Variants in CHSY1 observed in about 807,000 individuals in gnomAD.
The protein encoded by CHSY1 is N-acetylgalactosaminyl-proteoglycan 3-beta-glucuronosyltransferase 1.
Under a neutral mutation model 59.8 loss-of-function variants are expected in CHSY1, and 13 were observed. The observed-to-expected ratio is 0.22, with a 90% CI of 0.14 to 0.35. CHSY1 has a LOEUF of 0.35. Among genes scored for constraint, CHSY1 ranks in the 10% least tolerant of loss-of-function variants. CHSY1 has a pLI of 1.00. For synonymous variants in CHSY1, 459 were observed against 401.2 expected (o/e 1.14, Z -1.72); for missense variants, 947 against 1,030.6 (o/e 0.92, Z 1.11).
chr15:101,205,812 G>A (rs994951100), intron 2 of CHSY1, among the ~76,000 whole-genome samples: 16 of 152,098 alleles, frequency 1.1e-4, no homozygotes, highest in African/African-American at 2.7e-4. Context: ...TTAGCTGGGC[G>A]TGGTGGTGGG....
intron 2 of CHSY1, among the ~76,000 whole-genome samples, chr15:101,201,116 C>G (rs770119928): frequency 3.7e-3 from 28 of 7,604 alleles, no homozygotes; most frequent in Non-Finnish European, 7.4e-3. Context: ...GGGGGCGGTG[C>G]GGGGGGAGGT....
intron 2 of CHSY1, among the ~76,000 whole-genome samples, chr15:101,229,976 T>C (rs2038877308): frequency 6.6e-6 from 1 of 151,232 alleles, no homozygotes; most frequent in African/African-American, 2.4e-5. Context: ...GGAGTTTTGC[T>C]CTTTGCCCAG....
chr15:101,222,836 G>A (rs2141267671), intron 2 of CHSY1, among the ~76,000 whole-genome samples: 1 of 152,234 alleles, frequency 6.6e-6, no homozygotes, highest in East Asian at 1.9e-4. Context: ...ATGTCAAGGT[G>A]GTGTCCACCA....
At chr15:101,239,425 G>A (rs1455806810) in intron 1 of CHSY1, among the ~76,000 whole-genome samples, 4 of 152,248 alleles carry the variant, frequency 2.6e-5, no homozygotes, top group Non-Finnish European at 5.9e-5. Flanking sequence ...CACCGCAAGA[G>A]CTGGCTCTGG....
chr15:101,194,775 G>A (rs1306924417), intron 2 of CHSY1, among the ~76,000 whole-genome samples: 3 of 152,080 alleles, frequency 2.0e-5, no homozygotes, highest in Non-Finnish European at 4.4e-5. Context: ...CTGACTTTTT[G>A]TATGCATGGG....
At position 101,251,520 on chromosome 15, in the gene CHSY1, C is replaced by A; in HGVS notation, c.-64G>T. ...TCCGCGCGCCCTCAGCCCGCTGCCC[C>A]CGCCCGCGGAGGCCAGCCCGCCCTA... On this transcript the variant is annotated 5_prime_UTR_variant, in exon 1 of 3. Coordinates refer to ENST00000254190, the MANE Select transcript of CHSY1 (RefSeq NM_014918.5). The A allele has an allele frequency of 3.8e-6, 1 of 263,276 alleles. No homozygotes were observed. Among genetic ancestry groups the A allele is most frequent in the South Asian group, 1.6e-4 (1 of 6,232 alleles). The allele number at this position is 263,276 out of a possible 1,614,324, so 16.3% of individuals were successfully genotyped here.
intron 2 of CHSY1, among the ~76,000 whole-genome samples, chr15:101,181,802 C>T (rs771685302): frequency 6.6e-6 from 1 of 152,096 alleles, no homozygotes; most frequent in African/African-American, 2.4e-5. Flanking sequence ...TTAGGAGTGC[C>T]GACTCCTCAT....
Position 101,251,213 on chromosome 15 carries a change from G to C in CHSY1, c.244C>G (p.Arg82Gly), listed in dbSNP as rs2039107056. 2.5e-6 allele frequency: 4 copies of C among 1,594,446 alleles called. No homozygotes were observed. The highest frequency in any genetic ancestry group is 2.3e-5 in the East Asian group (1 of 44,282). The change falls in exon 1 of 3, where the codon CGC (arginine) becomes GGC (glycine). Residue 82 changes from arginine to glycine, a missense_variant. By Grantham distance (125) the Arg-to-Gly change is moderately radical. Transcript: ENST00000254190. ...CCCACGAAGAGAAAGTTCCTGTCGC[G>C]CGGGCCGCCATCTGGGTCCGAGCCG... ...PPGSDPDGGP[R>G]DRNFLFVGVM...
At chr15:101,245,464 G>A (rs150070323) in intron 1 of CHSY1, among the ~76,000 whole-genome samples, 161 of 152,224 alleles carry the variant, frequency 1.1e-3, no homozygotes, top group Admixed American at 9.0e-3. Flanking sequence ...ATTAGTTCAC[G>A]CACCCTGACA....
intron 2 of CHSY1, among the ~76,000 whole-genome samples, chr15:101,211,435 AAAG>A (rs1486389282): frequency 3.9e-5 from 6 of 152,332 alleles, no homozygotes; most frequent in African/African-American, 1.4e-4. Flanking sequence ...TTAGAGTGAA[AAAG>A]AATACTGAAA....
intron 1 of CHSY1, among the ~76,000 whole-genome samples, chr15:101,244,509 C>T (rs1247683928): frequency 6.6e-6 from 1 of 152,238 alleles, no homozygotes; most frequent in Non-Finnish European, 1.5e-5. Flanking sequence ...TTAGAGCTGA[C>T]ATCTTTTTGT....
At chr15:101,230,265 C>T (rs2038880934) in intron 2 of CHSY1, among the ~76,000 whole-genome samples, 2 of 152,148 alleles carry the variant, frequency 1.3e-5, no homozygotes, top group South Asian at 2.1e-4. Context: ...GAACATGCAG[C>T]ATTAGTGCTC....
chr15:101,179,698 C>T (rs1178191526), intron 2 of CHSY1, among the ~76,000 whole-genome samples: 3 of 152,222 alleles, frequency 2.0e-5, no homozygotes, highest in Non-Finnish European at 4.4e-5. Context: ...GGCACCAGCA[C>T]GGAGCTTGGT....
intron 2 of CHSY1, among the ~76,000 whole-genome samples, chr15:101,194,529 T>G (rs757514187): frequency 6.6e-6 from 1 of 152,266 alleles, no homozygotes; most frequent in Non-Finnish European, 1.5e-5. Context: ...TTTGCCCTTA[T>G]GTTCCTTGTT....
intron 1 of CHSY1, among the ~76,000 whole-genome samples, chr15:101,239,392 C>G (rs1326703718): frequency 6.6e-6 from 1 of 152,218 alleles, no homozygotes; most frequent in Non-Finnish European, 1.5e-5. Flanking sequence ...GAACAACCAA[C>G]TAAGGAGGCG....
At chr15:101,213,517 T>C (rs2038702811) in intron 2 of CHSY1, among the ~76,000 whole-genome samples, 1 of 152,246 alleles carries the variant, frequency 6.6e-6, no homozygotes, top group South Asian at 2.1e-4. Flanking sequence ...GTAAACAGAC[T>C]GAATATTCTA....
At chr15:101,247,465 T>C (rs933073685) in intron 1 of CHSY1, among the ~76,000 whole-genome samples, 14 of 152,106 alleles carry the variant, frequency 9.2e-5, no homozygotes, top group Non-Finnish European at 1.9e-4. Context: ...TTTAGTGTCG[T>C]CCCTCTGACT....
chr15:101,222,726 T>C (rs1357563957), intron 2 of CHSY1, among the ~76,000 whole-genome samples: 8 of 152,156 alleles, frequency 5.3e-5, no homozygotes, highest in Non-Finnish European at 1.0e-4. Flanking sequence ...CCGATTAAAC[T>C]GGGGTTGTGG....
chr15:101,246,436 T>C (rs1263699937), intron 1 of CHSY1, among the ~76,000 whole-genome samples: 1 of 151,532 alleles, frequency 6.6e-6, no homozygotes, highest in African/African-American at 2.4e-5. Context: ...AAGGTAAGTG[T>C]AGCCAAGAAA....
Sources: gnomAD v4.1 joint callset for allele counts (sites outside exome capture counted in the v4.1 genomes callset) on GRCh38, gnomAD v4.1.1 for gene constraint, MANE v1.5 for transcripts, NCBI Gene and HGNC (gene_info 2026-07-23, HGNC 2026-07-21) for gene names.